ARL6: variants seen among roughly 807,000 people sequenced by gnomAD.
ARL6 encodes ARF like GTPase 6, also known as ADP-ribosylation factor-like protein 6.
A neutral mutation model predicts 27.1 loss-of-function variants in ARL6; 18 were observed. That is an observed-to-expected ratio of 0.66 (90% confidence interval 0.46 to 0.98). The LOEUF is 0.98. Ranked by LOEUF, ARL6 falls within the 50% of genes least tolerant of loss-of-function variation. The pLI is 0.00. For synonymous variants in ARL6, 65 were observed against 72.3 expected, an observed-to-expected ratio of 0.90 and a Z score of 0.51; for missense variants, 187 against 214.9, an observed-to-expected ratio of 0.87 and a Z score of 0.81.
intron 1 of ARL6, among the ~76,000 whole-genome samples, chr3:97,767,645 T>C (rs1328818100): frequency 6.6e-6 from 1 of 152,176 alleles, no homozygotes; most frequent in Non-Finnish European, 1.5e-5. Context: ...TCTCAAAATC[T>C]GTCTGCTTTT....
At chr3:97,785,350 AAT>A (rs1258510898) in intron 5 of ARL6, among the ~76,000 whole-genome samples, 3 of 150,820 alleles carry the variant, frequency 2.0e-5, no homozygotes, top group Non-Finnish European at 3.0e-5. Flanking sequence ...AAAAAAAAAA[AAT>A]CAGATGGAAA....
intron 5 of ARL6, among the ~76,000 whole-genome samples, chr3:97,785,708 C>T (rs2108057716): frequency 6.6e-6 from 1 of 151,632 alleles, no homozygotes; most frequent in East Asian, 1.9e-4. Flanking sequence ...ATGAATGTAC[C>T]ACAGTTTATT....
chr3:97,780,408 CT>C (rs2037133596), intron 3 of ARL6, among the ~76,000 whole-genome samples, 188 bp downstream of exon 3: 1 of 152,150 alleles, frequency 6.6e-6, no homozygotes, highest in Non-Finnish European at 1.5e-5. Flanking sequence ...ACTCTGATAA[CT>C]TCACTAGCAA....
At chr3:97,794,294 C>A (rs1193842267) in intron 7 of ARL6, among the ~76,000 whole-genome samples, 1 of 150,700 alleles carries the variant, frequency 6.6e-6, no homozygotes, top group Non-Finnish European at 1.5e-5. Context: ...TTTACTGCAA[C>A]CTCTGCCTCT....
At chr3:97,767,085 C>T (rs1331147740) in intron 1 of ARL6, among the ~76,000 whole-genome samples, 1 of 151,934 alleles carries the variant, frequency 6.6e-6, no homozygotes, top group Non-Finnish European at 1.5e-5. Context: ...TATTTGACTT[C>T]CAAATACTTC....
At chr3:97,777,947 G>A (rs2108021481) in intron 2 of ARL6, among the ~76,000 whole-genome samples, 1 of 152,312 alleles carries the variant, frequency 6.6e-6, no homozygotes, top group East Asian at 1.9e-4. Flanking sequence ...AAAAGAGTTT[G>A]TGAAGAAGTT....
At chr3:97,788,164 T>A (rs764718674) in intron 6 of ARL6, 45 bp downstream of exon 6, 10 of 1,590,458 alleles carry the variant, frequency 6.3e-6, no homozygotes, top group Non-Finnish European at 8.6e-6. Flanking sequence ...CTGAAAAATA[T>A]ACAAGCTTCA....
chr3:97,773,846 T>C (rs781614190), intron 2 of ARL6, among the ~76,000 whole-genome samples: 1 of 152,232 alleles, frequency 6.6e-6, no homozygotes, highest in Non-Finnish European at 1.5e-5. Flanking sequence ...CTACCTATTC[T>C]GTATTCCCTT....
intron 1 of ARL6, among the ~76,000 whole-genome samples, chr3:97,767,135 TAGAA>T (rs981682789): frequency 1.1e-4 from 16 of 152,134 alleles, no homozygotes; most frequent in Admixed American, 6.5e-5. Context: ...AAGTTTGCAT[TAGAA>T]AGAATTTTTT....
intron 6 of ARL6, among the ~76,000 whole-genome samples, chr3:97,789,181 A>C (rs1420345742): frequency 1.3e-5 from 2 of 152,176 alleles, no homozygotes; most frequent in African/African-American, 4.8e-5. Flanking sequence ...AACCCTGCAT[A>C]TCCCAAGTAA....
intron 2 of ARL6, among the ~76,000 whole-genome samples, chr3:97,774,666 C>T (rs1442967683): frequency 1.3e-5 from 2 of 152,166 alleles, no homozygotes; most frequent in Non-Finnish European, 2.9e-5. Flanking sequence ...AATGCCCTCA[C>T]TTCAACAGTA....
chr3:97,787,915 T>G, intron 5 of ARL6, 75 bp from the exon 6 acceptor site: 1 of 1,528,962 alleles, frequency 6.5e-7, no homozygotes, highest in Admixed American at 1.7e-5. Flanking sequence ...ATTTCATGGG[T>G]TTCAGTACTA....
At chr3:97,772,170 G>T (rs1450796857) in intron 2 of ARL6, among the ~76,000 whole-genome samples, 1 of 152,022 alleles carries the variant, frequency 6.6e-6, no homozygotes, top group Non-Finnish European at 1.5e-5. Flanking sequence ...TTTCTTTAAT[G>T]GGAGACTTTA....
intron 2 of ARL6, among the ~76,000 whole-genome samples, chr3:97,779,683 G>A (rs774401346): frequency 2.4e-4 from 36 of 151,978 alleles, no homozygotes; most frequent in Non-Finnish European, 4.3e-4. Flanking sequence ...TGGCTAACAC[G>A]GTGAAACCCT....
chr3:97,777,013 T>C (rs1425508061), intron 2 of ARL6, among the ~76,000 whole-genome samples: 1 of 152,236 alleles, frequency 6.6e-6, no homozygotes, highest in Non-Finnish European at 1.5e-5. Context: ...ATAACTTGCA[T>C]ATTCATTTGA....
chr3:97,768,119 A>G lies in ARL6; in HGVS notation c.12A>G (p.Leu4=), dbSNP rs1224470692. 6.2e-7 allele frequency: 1 copy of G among 1,612,906 alleles called. No individual in the cohort carries two copies. Among genetic ancestry groups the G allele is most frequent in the Non-Finnish European group, 8.5e-7 (1 of 1,179,138 alleles). The change falls in exon 2 of 8, where the codon CTA becomes CTG. Residue 4 remains leucine, a synonymous_variant. Coordinates refer to ENST00000463745, the MANE Select transcript of ARL6 (RefSeq NM_001278293.3). The stretch of plus-strand genomic sequence containing the variant: ...ATTTGAATCACATTATGGGATTGCT[A>G]GACAGACTTTCAGTCTTGCTTGGCC... The part of the protein sequence containing the change: MGL[L]DRLSVLLGLK...
chr3:97,781,632 C>T (rs1002673065), intron 4 of ARL6, among the ~76,000 whole-genome samples: 5 of 152,028 alleles, frequency 3.3e-5, no homozygotes, highest in East Asian at 1.9e-4. Context: ...ACCAATCCCT[C>T]GCCAATTCGG....
intron 5 of ARL6, 84 bp from the exon 6 acceptor site, chr3:97,787,906 T>A (rs1006394569): frequency 2.8e-6 from 4 of 1,445,420 alleles, no homozygotes; most frequent in Middle Eastern, 1.8e-4. Context: ...TGAAAAAAAA[T>A]TTCATGGGTT....
chr3:97,781,902 T>A (rs2037219263), intron 4 of ARL6, among the ~76,000 whole-genome samples: 1 of 152,088 alleles, frequency 6.6e-6, no homozygotes. Flanking sequence ...AGATTTAGAT[T>A]AACTCTTTCC....
Sources: gnomAD v4.1 joint callset for allele counts (sites outside exome capture counted in the v4.1 genomes callset) on GRCh38, gnomAD v4.1.1 for gene constraint, MANE v1.5 for transcripts, NCBI Gene and HGNC (gene_info 2026-07-23, HGNC 2026-07-21) for gene names.